The following SYNJ2 variants were observed in gnomAD, a reference collection of about 807,000 sequenced individuals.
SYNJ2 encodes the protein polyphosphatidylinositol phosphatase SYNJ2.
A neutral mutation model predicts 141.3 loss-of-function variants in SYNJ2; 116 were observed. The observed-to-expected ratio is 0.82, with a 90% confidence interval of 0.71 to 0.96. SYNJ2 has a LOEUF of 0.96. Ranked by LOEUF, SYNJ2 falls within the 40% of genes least tolerant of loss-of-function variation. The pLI is 0.00. For synonymous variants in SYNJ2, 745 were observed against 777.7 expected (o/e 0.96, Z 0.70); for missense variants, 1,873 against 1,934.8 (o/e 0.97, Z 0.60).
At chr6:158,088,630 T>C (rs778803809) in intron 23 of SYNJ2, 30 bp from the exon 24 acceptor site, 2 of 1,566,874 alleles carry the variant, frequency 1.3e-6, no homozygotes, top group Middle Eastern at 1.8e-4. Context: ...TTCACTGAGA[T>C]TGAGACTCTG....
chr6:158,042,066 G>A (rs1363753034), intron 4 of SYNJ2, among the ~76,000 whole-genome samples: 1 of 152,216 alleles, frequency 6.6e-6, no homozygotes, highest in Non-Finnish European at 1.5e-5. Flanking sequence ...TCTTTTCCAG[G>A]AACCTGGGCC....
chr6:158,029,394 CAAAAAAAAAAA>C (rs59043421), intron 3 of SYNJ2: 3 of 92,632 alleles, frequency 3.2e-5, no homozygotes, highest in Non-Finnish European at 4.5e-5. Flanking sequence ...ACTAAAAATA[CAAAAAAAAAAA>C]AAAAAAAAAA....
chr6:158,095,960 A>T lies in SYNJ2; in HGVS notation c.4087A>T (p.Ser1363Cys). 6.2e-7 allele frequency: 1 copy of T among 1,614,040 alleles called. No individual in the cohort carries two copies. Among genetic ancestry groups the T allele is most frequent in the Non-Finnish European group, 8.5e-7 (1 of 1,180,000 alleles). Reference sequence around the variant, plus strand: ...GCTTCTCCAGGGCCTCACTTACAATAGCAGTGACAGCCCCTCTGGGCACCC... The same window carrying T: ...GCTTCTCCAGGGCCTCACTTACAATTGCAGTGACAGCCCCTCTGGGCACCC... ...SQLLQGLTYN[S>C]SDSPSGHPPA... The change falls in exon 27 of 27, where the codon AGC (serine) becomes TGC (cysteine). Residue 1363 changes from serine (S) to cysteine (C), a missense_variant. Transcript: ENST00000355585.
At chr6:157,997,037 A>G in intron 1 of SYNJ2, among the ~76,000 whole-genome samples, 2 of 28,040 alleles carry the variant, frequency 7.1e-5, no homozygotes, top group South Asian at 1.4e-3. Flanking sequence ...ACCCCCCCCC[A>G]CCCAGCTTCG....
At position 158,078,493 on chromosome 6, in the gene SYNJ2, C is replaced by G. The variant is rs1562391956; in HGVS notation, c.2567+212C>G. The G allele has an allele frequency of 2.8e-5, 10 of 361,142 alleles. No individual in the cohort carries two copies. In the East Asian group the frequency reaches 4.4e-4, roughly 16 times the overall value. The allele number at this position is 361,142 out of a possible 1,614,324, so 22.4% of individuals were successfully genotyped here. ...AATTAATCTTAGCATTTTGTCATTG[C>G]TCCATATCATAAATGACATCATTGA... On this transcript the variant is annotated intron_variant, in intron 18 of 26. Coordinates refer to ENST00000355585, the MANE Select transcript of SYNJ2 (RefSeq NM_003898.4).
intron 1 of SYNJ2, among the ~76,000 whole-genome samples, chr6:157,988,584 G>C (rs908580679): frequency 6.6e-6 from 1 of 152,056 alleles, no homozygotes; most frequent in Admixed American, 6.5e-5. Flanking sequence ...GGGTGCTCAG[G>C]GTCCCCTTTG....
intron 26 of SYNJ2, chr6:158,094,135 T>A (rs562135271): frequency 5.6e-5 from 36 of 641,624 alleles, no homozygotes; most frequent in Non-Finnish European, 9.5e-5. Flanking sequence ...GCTTTGTATT[T>A]CCTGGGTTGC....
chr6:157,984,695 T>A (rs1023731907), intron 1 of SYNJ2, among the ~76,000 whole-genome samples: 1 of 152,242 alleles, frequency 6.6e-6, no homozygotes, highest in Non-Finnish European at 1.5e-5. Context: ...TGAGCCACCA[T>A]GCCTGACCCG....
chr6:158,066,366 G>C (rs1307016658), intron 11 of SYNJ2, 78 bp from the exon 12 acceptor site: 2 of 1,524,166 alleles, frequency 1.3e-6, no homozygotes, highest in African/African-American at 2.7e-5. Context: ...TCTCTGCCAG[G>C]CAGCCTCATC....
chr6:157,991,074 G>A (rs966220059), intron 1 of SYNJ2, among the ~76,000 whole-genome samples: 3 of 152,172 alleles, frequency 2.0e-5, no homozygotes, highest in African/African-American at 7.2e-5. Context: ...CATGTGCCAC[G>A]CCAGGAGAGG....
At chr6:158,055,939 G>A (rs113395687) in intron 6 of SYNJ2, among the ~76,000 whole-genome samples, 1 of 152,108 alleles carries the variant, frequency 6.6e-6, no homozygotes, top group Non-Finnish European at 1.5e-5. Context: ...TTCTACATGC[G>A]GAGTTCTTTC....
intron 11 of SYNJ2, among the ~76,000 whole-genome samples, chr6:158,066,231 T>A (rs939318363): frequency 6.6e-6 from 1 of 152,186 alleles, no homozygotes; most frequent in African/African-American, 2.4e-5. Flanking sequence ...TCCAGTCTTA[T>A]GTTTTCACGC....
rs1783755615 is a variant in SYNJ2 at position 158,095,701 on chromosome 6, T to A, written c.3828T>A (p.Pro1276=). ...GPPETSVEAP[P]VVTAPRVPPV... ...CGGAGACAAGCGTTGAGGCCCCTCC[T>A]GTCGTGACAGCCCCTCGAGTCCCTC... The change falls in exon 27 of 27, where the codon CCT becomes CCA. Residue 1276 remains proline (P), a synonymous_variant. Coordinates refer to ENST00000355585, the MANE Select transcript of SYNJ2 (RefSeq NM_003898.4). The A allele has an allele frequency of 1.9e-6, 3 of 1,614,186 alleles. No homozygotes were observed. In the East Asian group the frequency reaches 6.7e-5, roughly 36 times the overall value.
intron 1 of SYNJ2, 30 bp from the exon 2 acceptor site, chr6:158,017,174 G>C (rs563074443): frequency 1.2e-6 from 2 of 1,608,878 alleles, no homozygotes; most frequent in East Asian, 4.5e-5. Flanking sequence ...GACGCTCGCT[G>C]ATGCCTTCTG....
intron 1 of SYNJ2, among the ~76,000 whole-genome samples, chr6:157,983,647 T>C (rs1157654291): frequency 1.3e-5 from 2 of 152,212 alleles, no homozygotes; most frequent in Admixed American, 6.5e-5. Context: ...GACAGTAATG[T>C]AGTGCATATT....
At chr6:158,033,745 C>A in intron 4 of SYNJ2, 65 bp downstream of exon 4, 1 of 1,512,482 alleles carries the variant, frequency 6.6e-7, no homozygotes, top group Non-Finnish European at 9.0e-7. Context: ...TGCACACGCG[C>A]TTTCCACTTG....
At chr6:158,081,605 C>CTTTTTTTTTTTTTTTTTTTTTTTTTTTT (rs60234675) in intron 20 of SYNJ2, 95 bp downstream of exon 20, 1 of 185,662 alleles carries the variant, frequency 5.4e-6, no homozygotes, top group African/African-American at 6.9e-5. Flanking sequence ...TGACCTGTGC[C>CTTTTTTTTTTTTTTTTTTTTTTTTTTTT]TTTTTTTTTT....
At chr6:158,061,315 G>A (rs1266098878) in intron 7 of SYNJ2, among the ~76,000 whole-genome samples, 2 of 152,200 alleles carry the variant, frequency 1.3e-5, no homozygotes, top group African/African-American at 4.8e-5. Flanking sequence ...TCATCACGGG[G>A]CTCTCTGGGG....
At chr6:158,073,626 T>C (rs1242514885) in intron 15 of SYNJ2, among the ~76,000 whole-genome samples, 2 of 152,246 alleles carry the variant, frequency 1.3e-5, no homozygotes, top group Non-Finnish European at 2.9e-5. Context: ...GAATGATCAG[T>C]ATCCATGTGG....
Sources: gnomAD v4.1 joint callset for allele counts (sites outside exome capture counted in the v4.1 genomes callset) on GRCh38, gnomAD v4.1.1 for gene constraint, MANE v1.5 for transcripts, NCBI Gene and HGNC (gene_info 2026-07-23, HGNC 2026-07-21) for gene names.